ANTXR1: variants seen among roughly 807,000 people sequenced by gnomAD.
The protein encoded by ANTXR1 is ANTXR cell adhesion molecule 1, also known as anthrax toxin receptor 1.
In ANTXR1, 19 loss-of-function variants were observed where a neutral mutation model predicts 78.1. The ratio of observed to expected loss-of-function variants is 0.24; its 90% CI spans 0.17 to 0.36. The LOEUF (loss-of-function observed/expected upper bound fraction) is 0.36. ANTXR1 is among the 10% of genes least tolerant of loss of function. The pLI, the probability that ANTXR1 is intolerant of heterozygous loss-of-function variation, is 1.00. For synonymous variants in ANTXR1, 273 were observed against 260.5 expected (o/e 1.05, Z -0.46); for missense variants, 518 against 718.6 (o/e 0.72, Z 3.19).
chr2:69,091,063 A>G, intron 9 of ANTXR1, 144 bp downstream of exon 9: 4 of 764,946 alleles, frequency 5.2e-6, no homozygotes, highest in Non-Finnish European at 6.6e-6. Context: ...TGCTAACCAA[A>G]TTTGCTCCAA....
chr2:69,033,547 A>G (rs1671590987), intron 1 of ANTXR1, among the ~76,000 whole-genome samples: 1 of 152,190 alleles, frequency 6.6e-6, no homozygotes, highest in Admixed American at 6.5e-5. Flanking sequence ...ACAACAGCAA[A>G]TGAATGCAGG....
chr2:69,102,072 C>T, intron 9 of ANTXR1, among the ~76,000 whole-genome samples: 1 of 152,230 alleles, frequency 6.6e-6, no homozygotes, highest in Non-Finnish European at 1.5e-5. Context: ...TATGCAGAGA[C>T]AAATGAGTAC....
At chr2:69,138,090 A>G (rs1362071752) in intron 12 of ANTXR1, among the ~76,000 whole-genome samples, 1 of 150,420 alleles carries the variant, frequency 6.6e-6, no homozygotes, top group Non-Finnish European at 1.5e-5. Context: ...ATCTCAAAAA[A>G]AAAAGAAAAA....
chr2:69,104,042 G>T lies in ANTXR1; in HGVS notation c.802+1102G>T, dbSNP rs539018948. On this transcript the variant is annotated intron_variant, in intron 10 of 17. Coordinates refer to ENST00000303714, the MANE Select transcript of ANTXR1 (RefSeq NM_032208.3). ...CAACCTCCGCCTCCCAAGTTGAAGCGATTCTCCTGCCTCAGCCTCCTGAGT... is the reference window on the plus strand; with the variant it reads ...CAACCTCCGCCTCCCAAGTTGAAGCTATTCTCCTGCCTCAGCCTCCTGAGT... Among the ~76,000 whole-genome samples the T allele has an allele frequency of 2.3e-4, 35 of 151,294 alleles. No individual in the cohort carries two copies. The Middle Eastern group carries it at 0.01, about 44-fold the overall frequency.
chr2:69,110,915 CAT>C (rs968958833), intron 10 of ANTXR1, among the ~76,000 whole-genome samples: 2 of 152,122 alleles, frequency 1.3e-5, no homozygotes, highest in East Asian at 1.9e-4. Flanking sequence ...TTTAAACACA[CAT>C]ATTTATATGC....
chr2:69,197,461 A>C (rs1471777985), intron 17 of ANTXR1, among the ~76,000 whole-genome samples: 1 of 152,136 alleles, frequency 6.6e-6, no homozygotes, highest in Non-Finnish European at 1.5e-5. Flanking sequence ...GAGCACGTGG[A>C]ATTAATTGCT....
At chr2:69,135,062 A>G in intron 12 of ANTXR1, 2 of 408,066 alleles carry the variant, frequency 4.9e-6, no homozygotes, top group Non-Finnish European at 5.1e-6. Context: ...AGAGTGCGGA[A>G]CTCAGATCTC....
chr2:69,230,671 T>C (rs903753223), intron 17 of ANTXR1, among the ~76,000 whole-genome samples: 3 of 152,188 alleles, frequency 2.0e-5, no homozygotes. Context: ...GAGAAGGTGA[T>C]AGGATGTCAT....
rs909559482 is a variant in ANTXR1, at chr2:69,248,624, T to A, written c.*3139T>A. The A allele has an allele frequency of 6.6e-6, 1 of 152,260 alleles. No individual in the cohort carries two copies. The highest frequency in any genetic ancestry group is 1.5e-5 in the Non-Finnish European group (1 of 68,042). The allele number at this position is 152,260 out of a possible 1,614,324, so 9.4% of individuals were successfully genotyped here. On this transcript the variant is annotated 3_prime_UTR_variant, in exon 18 of 18. Coordinates refer to ENST00000303714, the MANE Select transcript of ANTXR1 (RefSeq NM_032208.3). ...TATCTGGCCATGGGTAACCTCATTGTAACTATCATCAGAATGGGCAGAGAT... is the reference window on the plus strand; with the variant it reads ...TATCTGGCCATGGGTAACCTCATTGAAACTATCATCAGAATGGGCAGAGAT...
At chr2:69,074,789 T>C (rs1670679562) in intron 6 of ANTXR1, among the ~76,000 whole-genome samples, 1 of 152,244 alleles carries the variant, frequency 6.6e-6, no homozygotes, top group Non-Finnish European at 1.5e-5. Context: ...TATGCATATA[T>C]TGAGCACTCG....
chr2:69,019,504 C>T (rs1671118295), intron 1 of ANTXR1, among the ~76,000 whole-genome samples: 1 of 151,990 alleles, frequency 6.6e-6, no homozygotes, highest in South Asian at 2.1e-4. Flanking sequence ...AATTTTATCT[C>T]CTCTTTTCTC....
At chr2:69,097,503 C>T (rs1424164940) in intron 9 of ANTXR1, among the ~76,000 whole-genome samples, 1 of 152,228 alleles carries the variant, frequency 6.6e-6, no homozygotes, top group East Asian at 1.9e-4. Flanking sequence ...GTGTATTCCT[C>T]TCACTTTTCA....
At position 69,013,450 on chromosome 2, in the gene ANTXR1, T is replaced by G; in HGVS notation, c.-50T>G. On this transcript the variant is annotated 5_prime_UTR_variant, in exon 1 of 18. Transcript: ENST00000303714. This position sits in a 1 kb window ranked among gnomAD's most constrained non-coding sequence, Gnocchi z 5.0. ...GCGCGTCCCTGAGGGTCGTGGCGAG[T>G]TCGCGGAGCGTGGGAAGGAGCGGAC... The G allele has an allele frequency of 6.4e-7, 1 of 1,574,672 alleles. No homozygotes were observed. Among genetic ancestry groups the G allele is most frequent in the Non-Finnish European group, 8.6e-7 (1 of 1,162,080 alleles).
intron 9 of ANTXR1, among the ~76,000 whole-genome samples, chr2:69,091,293 T>C (rs540763145): frequency 4.0e-5 from 6 of 151,220 alleles, no homozygotes; most frequent in Non-Finnish European, 8.9e-5. Flanking sequence ...TACAAAAAAT[T>C]AGCCAGGTGT....
intron 13 of ANTXR1, among the ~76,000 whole-genome samples, chr2:69,165,007 A>C (rs1673788806): frequency 6.6e-6 from 1 of 152,208 alleles, no homozygotes; most frequent in South Asian, 2.1e-4. Flanking sequence ...GAAATAAGCT[A>C]ATTCACAGTT....
chr2:69,156,726 A>C (rs1673535780), intron 13 of ANTXR1, among the ~76,000 whole-genome samples: 1 of 152,192 alleles, frequency 6.6e-6, no homozygotes, highest in African/African-American at 2.4e-5. Flanking sequence ...GGATCTCAGG[A>C]AAACTCACTA....
At chr2:69,244,172 T>C (rs959190793) in intron 17 of ANTXR1, among the ~76,000 whole-genome samples, 12 of 152,292 alleles carry the variant, frequency 7.9e-5, no homozygotes, top group Middle Eastern at 3.4e-3. Context: ...GCAGATACTA[T>C]AGGGGAGACA....
At chr2:69,127,770 G>T (rs1420113787) in intron 12 of ANTXR1, among the ~76,000 whole-genome samples, 2 of 152,020 alleles carry the variant, frequency 1.3e-5, no homozygotes, top group Non-Finnish European at 2.9e-5. Flanking sequence ...AGAGAGAGAA[G>T]AATCAAGAAT....
intron 17 of ANTXR1, 28 bp from the exon 18 acceptor site, chr2:69,245,196 AC>A: frequency 6.2e-7 from 1 of 1,613,936 alleles, no homozygotes. Context: ...CCGTCCGCTC[AC>A]GTTTCCTTCT....
Sources: allele counts gnomAD v4.1 joint callset (sites outside exome capture counted in the v4.1 genomes callset), GRCh38; gene constraint gnomAD v4.1.1; non-coding constraint Gnocchi (gnomAD v3.1); transcripts MANE v1.5; gene names NCBI Gene and HGNC (gene_info 2026-07-23, HGNC 2026-07-21).